Variants in PPIL6 observed in about 807,000 individuals in gnomAD.
PPIL6 encodes the protein probable inactive peptidyl-prolyl cis-trans isomerase-like 6.
PPIL6 carries 39 observed loss-of-function variants against 36.8 expected under a neutral mutation model. That is an observed-to-expected ratio of 1.06 (90% CI 0.82 to 1.38). PPIL6 has a LOEUF of 1.38. Ranked by LOEUF, PPIL6 falls within the 40% of genes most tolerant of loss-of-function variation. The probability of loss-of-function intolerance (pLI) is 0.00; values close to 1 mark genes in which losing one functional copy is unlikely to be tolerated. For missense variants in PPIL6, 368 were observed against 379.1 expected, an observed-to-expected ratio of 0.97 and a Z score of 0.24; for synonymous variants, 123 against 134.1, an observed-to-expected ratio of 0.92 and a Z score of 0.57.
Position 109,391,549 on chromosome 6 carries a change from G to C in PPIL6, c.*1277C>G, listed in dbSNP as rs2115187040. On this transcript the variant is annotated 3_prime_UTR_variant, in exon 8 of 8. Coordinates refer to ENST00000521072, the MANE Select transcript of PPIL6 (RefSeq NM_173672.5). ...CACAGAATCTGTGCCCCACGCCTGG[G>C]AACCCTGGGGAAAGAACCAAATGAA... 1 of 152,312 alleles carries C rather than the reference G, an allele frequency of 6.6e-6. No individual in the cohort carries two copies. The highest frequency in any genetic ancestry group is 2.1e-4 in the South Asian group (1 of 4,826). The allele number at this position is 152,312 out of a possible 1,614,324, so 9.4% of individuals were successfully genotyped here.
At chr6:109,404,558 AC>A (rs1772709537) in intron 6 of PPIL6, among the ~76,000 whole-genome samples, 1 of 152,222 alleles carries the variant, frequency 6.6e-6, no homozygotes, top group Non-Finnish European at 1.5e-5. Context: ...CAAAACTACT[AC>A]AAGCCTTCCG....
At chr6:109,410,656 T>C (rs1772978817) in intron 6 of PPIL6, among the ~76,000 whole-genome samples, 1 of 152,220 alleles carries the variant, frequency 6.6e-6, no homozygotes, top group African/African-American at 2.4e-5. Context: ...CTAATGATTC[T>C]ATCTTTTGCA....
At chr6:109,415,235 C>T (rs904892550) in intron 6 of PPIL6, among the ~76,000 whole-genome samples, 2 of 152,222 alleles carry the variant, frequency 1.3e-5, no homozygotes, top group African/African-American at 2.4e-5. Flanking sequence ...TGTTTCCATA[C>T]AGTATCAATC....
intron 1 of PPIL6, chr6:109,440,120 G>T (rs1033082320): frequency 2.8e-6 from 1 of 353,686 alleles, no homozygotes; most frequent in South Asian, 2.0e-5. Context: ...TCTAATTAAA[G>T]AAAAAATTGA....
rs1772144258 is a variant in PPIL6 at position 109,392,838 on chromosome 6, A to C, written c.924T>G (p.Asp308Glu). ...IHMCRITDSG[D>E]PYA Reference sequence around the variant, plus strand: ...ATTGATATGAAAATCAAGCATAAGGATCTCCACTGTCAGTAATTCTACACA... The same window carrying C: ...ATTGATATGAAAATCAAGCATAAGGCTCTCCACTGTCAGTAATTCTACACA... Residue 308 changes from aspartate (D) to glutamate (E), a missense_variant, in exon 8 of 8, where the codon GAT becomes GAG. Transcript: ENST00000521072. 1 of 1,537,882 alleles carries C rather than the reference A, an allele frequency of 6.5e-7. No individual in the cohort carries two copies. The highest frequency in any genetic ancestry group is 1.2e-5 in the South Asian group (1 of 86,310).
Position 109,400,043 on chromosome 6 carries a change from C to T in PPIL6, c.816G>A (p.Val272=), listed in dbSNP as rs1282910858. 2 of 1,610,330 alleles carry T rather than the reference C, an allele frequency of 1.2e-6. No homozygotes were observed. Among genetic ancestry groups the T allele is most frequent in the Non-Finnish European group, 1.7e-6 (2 of 1,177,724 alleles). ...QATPYLDRKF[V]AFGQLIEGTE... ...ATCTACAATATACATACCCAAAAGC[C>T]ACAAATTTTCTATCTAGATAAGGAG... The change falls in exon 7 of 8, where the codon GTG becomes GTA. Residue 272 remains valine (V), a synonymous_variant. Coordinates refer to ENST00000521072, the MANE Select transcript of PPIL6 (RefSeq NM_173672.5).
Position 109,422,155 on chromosome 6 carries a change from C to T in PPIL6, c.632-2912G>A, listed in dbSNP as rs189966732. Among the ~76,000 whole-genome samples the T allele has an allele frequency of 4.6e-3, 706 of 152,224 alleles. 1 individual carries two copies. The highest frequency in any genetic ancestry group is 9.7e-3 in the African/African-American group (405 of 41,548). On this transcript the variant is annotated intron_variant, in intron 5 of 7. Transcript: ENST00000521072. ...CCTCCCAAAGTGCTGGGATTACAAG[C>T]GTGAGCCACCGTGCCTGGCCTACAA... is the stretch of plus-strand genomic sequence containing the variant.
chr6:109,409,707 C>T (rs1189690556), intron 6 of PPIL6, among the ~76,000 whole-genome samples: 1 of 152,012 alleles, frequency 6.6e-6, no homozygotes, highest in Non-Finnish European at 1.5e-5. Flanking sequence ...CAAAAACATA[C>T]AAAAATCAAT....
In PPIL6 at chr6:109,392,629, A is replaced by G; in HGVS notation, c.*197T>C. ...CCGTGGCTGCAAAGGAGTCTAGGAA[A>G]TTGAGTACCACCCTTTCACAGTCTC... On this transcript the variant is annotated 3_prime_UTR_variant, in exon 8 of 8. Coordinates refer to ENST00000521072, the MANE Select transcript of PPIL6 (RefSeq NM_173672.5). The G allele has an allele frequency of 4.0e-6, 2 of 497,918 alleles. No homozygotes were observed. The highest frequency in any genetic ancestry group is 6.2e-5 in the South Asian group (2 of 32,140). 30.8% of individuals were successfully genotyped at this position (497,918 alleles called of 1,614,324 possible). A position where few individuals can be genotyped will look rare whatever the true frequency, so the allele number is the denominator to read the frequency against.
chr6:109,430,259 C>A (rs1774059626), intron 3 of PPIL6, among the ~76,000 whole-genome samples: 1 of 152,204 alleles, frequency 6.6e-6, no homozygotes, highest in Non-Finnish European at 1.5e-5. Context: ...GCAGTTGTTG[C>A]TACAAGAAGG....
At chr6:109,396,706 T>C (rs1286417468) in intron 7 of PPIL6, among the ~76,000 whole-genome samples, 1 of 151,368 alleles carries the variant, frequency 6.6e-6, no homozygotes, top group Non-Finnish European at 1.5e-5. Flanking sequence ...CCTTCTACAA[T>C]GGGTGCACGT....
upstream of PPIL6, chr6:109,441,083 A>T (rs1391931737): frequency 1.9e-6 from 3 of 1,611,152 alleles, no homozygotes; most frequent in African/African-American, 4.0e-5. Flanking sequence ...CCGTCGCTGG[A>T]GAGTTCGAGC....
chr6:109,441,062 C>G, upstream of PPIL6: 1 of 1,572,724 alleles, frequency 6.4e-7, no homozygotes, highest in Non-Finnish European at 8.7e-7. Flanking sequence ...CCGCCCCCGT[C>G]CCCACCGCGG....
intron 5 of PPIL6, among the ~76,000 whole-genome samples, chr6:109,422,602 T>C (rs1316769893): frequency 6.6e-6 from 1 of 151,122 alleles, no homozygotes; most frequent in Admixed American, 6.6e-5. Context: ...AAAAAAAGAA[T>C]GTGGGAATGT....
intron 1 of PPIL6, among the ~76,000 whole-genome samples, chr6:109,439,777 T>C (rs1393989635): frequency 4.6e-5 from 7 of 152,226 alleles, no homozygotes; most frequent in Non-Finnish European, 4.4e-5. Context: ...GAGCAAACCC[T>C]GTAAGAAGGG....
chr6:109,393,074 C>A, intron 7 of PPIL6, 137 bp from the exon 8 acceptor site: 1 of 599,888 alleles, frequency 1.7e-6, no homozygotes, highest in Admixed American at 3.1e-5. Context: ...TCTAAGTATC[C>A]TAAACCTCTC....
At chr6:109,411,982 CTCAGATTGAGGACTCCAGAGGTGGGGA>C (rs1442839180) in intron 6 of PPIL6, among the ~76,000 whole-genome samples, 43 of 152,128 alleles carry the variant, frequency 2.8e-4, no homozygotes, top group Non-Finnish European at 4.4e-5. Context: ...AGAGGTGGGG[CTCAGATTGAGGACTCCAGAGGTGGGGA>C]TCAGATTGAG....
At chr6:109,412,722 T>C (rs1328588368) in intron 6 of PPIL6, among the ~76,000 whole-genome samples, 1 of 152,138 alleles carries the variant, frequency 6.6e-6, no homozygotes, top group Non-Finnish European at 1.5e-5. Flanking sequence ...TCTCACCATA[T>C]ATAAAAATAA....
At chr6:109,409,970 C>CT (rs1772951394) in intron 6 of PPIL6, among the ~76,000 whole-genome samples, 2 of 152,208 alleles carry the variant, frequency 1.3e-5, no homozygotes, top group Admixed American at 1.3e-4. Context: ...AATGCAATCT[C>CT]TATCAAAATA....
Sources: gnomAD v4.1 joint callset for allele counts (sites outside exome capture counted in the v4.1 genomes callset) on GRCh38, gnomAD v4.1.1 for gene constraint, MANE v1.5 for transcripts, NCBI Gene and HGNC (gene_info 2026-07-23, HGNC 2026-07-21) for gene names.